The following RDH10 variants were observed in gnomAD, a reference collection of about 807,000 sequenced individuals.
RDH10 encodes retinol dehydrogenase 10 (all-trans).
Under a neutral mutation model 30.2 loss-of-function variants are expected in RDH10, and 12 were observed. The observed-to-expected ratio is 0.40, with a 90% CI of 0.25 to 0.64. The LOEUF (loss-of-function observed/expected upper bound fraction) is 0.64, where lower values mean the gene tolerates loss of function less well. Ranked by LOEUF, RDH10 falls within the 30% of genes least tolerant of loss-of-function variation. The pLI, the probability that RDH10 is intolerant of heterozygous loss-of-function variation, is 0.43. For synonymous variants in RDH10, 189 were observed against 172.2 expected (o/e 1.10, Z -0.76); for missense variants, 268 against 445.2 (o/e 0.60, Z 3.58).
intron 2 of RDH10, among the ~76,000 whole-genome samples, chr8:73,317,310 G>A (rs965297502): frequency 2.6e-5 from 4 of 152,124 alleles, no homozygotes; most frequent in East Asian, 1.9e-4. Context: ...GACATAAAGC[G>A]CTTTGAAAAG....
chr8:73,298,669 A>G (rs1207463327), intron 2 of RDH10, among the ~76,000 whole-genome samples: 1 of 152,166 alleles, frequency 6.6e-6, no homozygotes, highest in African/African-American at 2.4e-5. Flanking sequence ...CTGGGACTAC[A>G]GGCACATGCT....
intron 1 of RDH10, 175 bp downstream of exon 1, chr8:73,295,753 C>G: frequency 1.1e-6 from 1 of 920,892 alleles, no homozygotes; most frequent in Non-Finnish European, 1.5e-6. Context: ...AACGCGATCA[C>G]TTCTGTATTA....
intron 3 of RDH10, among the ~76,000 whole-genome samples, chr8:73,320,394 T>G (rs749660622): frequency 6.6e-6 from 1 of 152,050 alleles, no homozygotes; most frequent in Admixed American, 6.5e-5. Flanking sequence ...GCTGTTGCTT[T>G]GAAAATATTA....
At chr8:73,307,147 G>A (rs1323030196) in intron 2 of RDH10, among the ~76,000 whole-genome samples, 4 of 152,230 alleles carry the variant, frequency 2.6e-5, no homozygotes, top group Non-Finnish European at 4.4e-5. Context: ...TATAACAGTC[G>A]TTTTTTGCCT....
chr8:73,321,912 T>C (rs1275630129), intron 4 of RDH10: 1 of 456,202 alleles, frequency 2.2e-6, no homozygotes, highest in Non-Finnish European at 4.4e-6. Flanking sequence ...ACCTGGAAAA[T>C]GGACTCTAGC....
chr8:73,299,761 A>G lies in RDH10; in HGVS notation c.525+2332A>G, dbSNP rs75679716. Reference sequence around the variant, plus strand: ...TAATCAGGTTTTTAAGAAACCCCATACAATCTGCAGTTAAATACTTAAAAC... The same window carrying G: ...TAATCAGGTTTTTAAGAAACCCCATGCAATCTGCAGTTAAATACTTAAAAC... On this transcript the variant is annotated intron_variant, in intron 2 of 5. Transcript: ENST00000240285. Among the ~76,000 whole-genome samples, 6 of 152,346 alleles carry G rather than the reference A, an allele frequency of 3.9e-5. No homozygotes were observed. The East Asian group carries it at 1.2e-3, about 29-fold the overall frequency.
At chr8:73,303,148 A>G (rs974326784) in intron 2 of RDH10, among the ~76,000 whole-genome samples, 1 of 152,204 alleles carries the variant, frequency 6.6e-6, no homozygotes, top group African/African-American at 2.4e-5. Flanking sequence ...CCAAATGTCT[A>G]AAGTCTATTT....
At chr8:73,316,586 T>C (rs1194390206) in intron 2 of RDH10, among the ~76,000 whole-genome samples, 3 of 152,290 alleles carry the variant, frequency 2.0e-5, no homozygotes, top group African/African-American at 7.2e-5. Flanking sequence ...AATGCAGTAA[T>C]GAGAAGTGTG....
At chr8:73,300,968 T>C (rs1814362214) in intron 2 of RDH10, among the ~76,000 whole-genome samples, 1 of 152,008 alleles carries the variant, frequency 6.6e-6, no homozygotes, top group African/African-American at 2.4e-5. Context: ...TCTCCCAAAG[T>C]AGATGGCAAG....
intron 2 of RDH10, among the ~76,000 whole-genome samples, chr8:73,318,161 A>C (rs1248438004): frequency 6.6e-6 from 1 of 152,216 alleles, no homozygotes. Context: ...GAAGCAGGTT[A>C]TAAAACTGTT....
At chr8:73,295,803 C>G (rs1196763882) in intron 1 of RDH10, 10 of 1,157,520 alleles carry the variant, frequency 8.6e-6, no homozygotes, top group Non-Finnish European at 1.1e-5. Context: ...GGTTCGGTCT[C>G]TGGGGACCAC....
chr8:73,297,761 G>A (rs571109776), intron 2 of RDH10: 45 of 234,866 alleles, frequency 1.9e-4, no homozygotes, highest in African/African-American at 9.7e-4. Context: ...TAAAACATTG[G>A]TTGTTCTTAT....
At chr8:73,298,093 AG>A (rs1308317004) in intron 2 of RDH10, 2 of 154,166 alleles carry the variant, frequency 1.3e-5, no homozygotes, top group African/African-American at 4.8e-5. Flanking sequence ...TGATCTACGG[AG>A]GGGAGCAGGG....
chr8:73,295,142 C>A lies in RDH10; in HGVS notation c.-148C>A. ...CAGGGAGCGGCGCCGCGCACTCCAA[C>A]CCGGCGGGCACCTCGGGGGCGGGCG... is the stretch of plus-strand genomic sequence containing the variant. On this transcript the variant is annotated 5_prime_UTR_variant, in exon 1 of 6. Transcript: ENST00000240285. The A allele has an allele frequency of 1.4e-6, 1 of 693,336 alleles. No individual in the cohort carries two copies. The highest frequency in any genetic ancestry group is 2.1e-6 in the Non-Finnish European group (1 of 467,256). 42.9% of individuals were successfully genotyped at this position (693,336 alleles called of 1,614,324 possible). A position where few individuals can be genotyped will look rare whatever the true frequency, so the allele number is the denominator to read the frequency against.
intron 2 of RDH10, 197 bp downstream of exon 2, chr8:73,297,626 C>G: frequency 1.9e-6 from 1 of 533,342 alleles, no homozygotes; most frequent in Non-Finnish European, 3.4e-6. Flanking sequence ...CCCGCCACCC[C>G]TAACTCAGTA....
At chr8:73,317,200 T>G (rs1480084849) in intron 2 of RDH10, among the ~76,000 whole-genome samples, 1 of 152,122 alleles carries the variant, frequency 6.6e-6, no homozygotes, top group Non-Finnish European at 1.5e-5. Flanking sequence ...ACTATAGGTC[T>G]TAGAGAAATG....
chr8:73,300,864 T>A (rs770653947), intron 2 of RDH10, among the ~76,000 whole-genome samples: 1 of 152,194 alleles, frequency 6.6e-6, no homozygotes, highest in Non-Finnish European at 1.5e-5. Context: ...GACCTTCTTG[T>A]TCAACCCTTT....
In RDH10 at chr8:73,317,169, G is replaced by A. The variant is rs567158881; in HGVS notation, c.526-1927G>A. Reference sequence around the variant, plus strand: ...TCAAAGCACTATAAAACACATAATCGCATTAAGGTAAATGGTACTGACTAT... The same window carrying A: ...TCAAAGCACTATAAAACACATAATCACATTAAGGTAAATGGTACTGACTAT... On this transcript the variant is annotated intron_variant, in intron 2 of 5. Coordinates refer to ENST00000240285, the MANE Select transcript of RDH10 (RefSeq NM_172037.5). 4.4e-4 allele frequency among the ~76,000 whole-genome samples: 67 copies of A among 152,218 alleles called. 1 individual carries two copies. The highest frequency in any genetic ancestry group is 1.5e-3 in the African/African-American group (62 of 41,532).
chr8:73,296,651 T>A (rs2130352802), intron 1 of RDH10, among the ~76,000 whole-genome samples: 1 of 152,368 alleles, frequency 6.6e-6, no homozygotes, highest in South Asian at 2.1e-4. Context: ...TCAGCCCAGT[T>A]AGAACAAGCC....
Sources: gnomAD v4.1 joint callset for allele counts (sites outside exome capture counted in the v4.1 genomes callset) on GRCh38, gnomAD v4.1.1 for gene constraint, MANE v1.5 for transcripts, NCBI Gene and HGNC (gene_info 2026-07-23, HGNC 2026-07-21) for gene names.